TRPM3: variants seen among roughly 807,000 people sequenced by gnomAD.
The protein encoded by TRPM3 is long transient receptor potential channel 3.
In TRPM3, 77 loss-of-function variants were observed where a neutral mutation model predicts 181.2. That is an observed-to-expected ratio of 0.42 (90% CI 0.35 to 0.51). The LOEUF is 0.51. Among genes scored for constraint, TRPM3 ranks in the 20% least tolerant of loss-of-function variants. TRPM3 has a pLI of 0.01. For synonymous variants in TRPM3, 745 were observed against 796.4 expected, an observed-to-expected ratio of 0.94 and a Z score of 1.09; for missense variants, 1,759 against 2,196.7, an observed-to-expected ratio of 0.80 and a Z score of 3.98.
intron 6 of TRPM3, among the ~76,000 whole-genome samples, chr9:70,806,361 G>C (rs2090675110): frequency 6.6e-6 from 1 of 152,110 alleles, no homozygotes; most frequent in African/African-American, 2.4e-5. Context: ...TGCCTCAGGG[G>C]CTCATGATCC....
At chr9:70,978,657 A>G (rs2097331608) in intron 1 of TRPM3, among the ~76,000 whole-genome samples, 1 of 152,234 alleles carries the variant, frequency 6.6e-6, no homozygotes, top group African/African-American at 2.4e-5. Context: ...GTCATGGGGT[A>G]AGACATTTCG....
At chr9:70,667,104 G>A (rs2061951238) in intron 9 of TRPM3, among the ~76,000 whole-genome samples, 1 of 151,690 alleles carries the variant, frequency 6.6e-6, no homozygotes, top group Non-Finnish European at 1.5e-5. Flanking sequence ...GCATCTCGCT[G>A]TTTATCTCTC....
At chr9:70,935,377 G>A (rs1309347021) in intron 1 of TRPM3, among the ~76,000 whole-genome samples, 1 of 152,164 alleles carries the variant, frequency 6.6e-6, no homozygotes, top group Non-Finnish European at 1.5e-5. Context: ...GAGTATCATG[G>A]CATTTGATGA....
chr9:70,681,234 A>G (rs2065352628), intron 9 of TRPM3, among the ~76,000 whole-genome samples: 2 of 152,148 alleles, frequency 1.3e-5, no homozygotes, highest in Admixed American at 1.3e-4. Context: ...CATCTTACAT[A>G]TTATGTCAGC....
At chr9:70,632,317 C>T (rs1231838312) in intron 12 of TRPM3, among the ~76,000 whole-genome samples, 2 of 152,114 alleles carry the variant, frequency 1.3e-5, no homozygotes, top group African/African-American at 4.8e-5. Flanking sequence ...TAACTTCTCC[C>T]TTATTCACTT....
chr9:70,582,375 T>C (rs2056091638), intron 22 of TRPM3, among the ~76,000 whole-genome samples: 1 of 152,240 alleles, frequency 6.6e-6, no homozygotes, highest in South Asian at 2.1e-4. Flanking sequence ...ATTGATTGTT[T>C]AAAGCAGATA....
At chr9:71,101,850 C>A (rs1322786865) in intron 1 of TRPM3, among the ~76,000 whole-genome samples, 3 of 152,146 alleles carry the variant, frequency 2.0e-5, no homozygotes, top group African/African-American at 7.2e-5. Context: ...GAGAAAGCTA[C>A]ATTTAAGCAT....
At chr9:70,740,294 C>T (rs551068712) in intron 8 of TRPM3, among the ~76,000 whole-genome samples, 11 of 152,232 alleles carry the variant, frequency 7.2e-5, no homozygotes, top group African/African-American at 2.4e-4. Flanking sequence ...AACAAAACTA[C>T]AAAACACCGC....
intron 1 of TRPM3, among the ~76,000 whole-genome samples, chr9:71,152,001 G>A (rs914447367): frequency 6.6e-6 from 1 of 152,064 alleles, no homozygotes; most frequent in African/African-American, 2.4e-5. Context: ...TTCAGAAAAG[G>A]TGTAAGAACC....
intron 1 of TRPM3, among the ~76,000 whole-genome samples, chr9:71,130,975 TGTATTTAC>T (rs1474487027): frequency 6.6e-6 from 1 of 152,204 alleles, no homozygotes. Flanking sequence ...GAGAGCATGA[TGTATTTAC>T]TTTTATGAAA....
intron 1 of TRPM3, among the ~76,000 whole-genome samples, chr9:70,963,030 G>C (rs891054660): frequency 1.3e-5 from 2 of 152,184 alleles, no homozygotes; most frequent in Non-Finnish European, 2.9e-5. Flanking sequence ...AGAAAGAGCT[G>C]CTCCATAGGA....
At chr9:71,186,146 A>C (rs902724018) in intron 1 of TRPM3, among the ~76,000 whole-genome samples, 2 of 151,972 alleles carry the variant, frequency 1.3e-5, no homozygotes, top group Non-Finnish European at 2.9e-5. Context: ...CCATCTTTTT[A>C]TAAGGATGCC....
chr9:70,858,720 G>A (rs1237525814), intron 3 of TRPM3, among the ~76,000 whole-genome samples: 1 of 151,950 alleles, frequency 6.6e-6, no homozygotes, highest in Non-Finnish European at 1.5e-5. Flanking sequence ...CTCAGAGCCA[G>A]CTTTGTGGGC....
intron 1 of TRPM3, among the ~76,000 whole-genome samples, chr9:71,132,238 T>G (rs2134464637): frequency 6.6e-6 from 1 of 152,348 alleles, no homozygotes; most frequent in South Asian, 2.1e-4. Context: ...TATAGGTGAC[T>G]TCCCCAAGAT....
intron 1 of TRPM3, among the ~76,000 whole-genome samples, chr9:71,016,178 G>A (rs1411157823): frequency 1.3e-5 from 2 of 151,222 alleles, no homozygotes; most frequent in East Asian, 3.9e-4. Context: ...ATTACCAAAT[G>A]TGAATGTACT....
intron 8 of TRPM3, among the ~76,000 whole-genome samples, chr9:70,743,161 T>C (rs2074479358): frequency 6.6e-6 from 1 of 152,140 alleles, no homozygotes; most frequent in Admixed American, 6.6e-5. Context: ...AGAGTACAAG[T>C]AGTACTTCGA....
At chr9:71,389,592 C>G (rs747162170) in intron 1 of TRPM3, among the ~76,000 whole-genome samples, 2 of 152,126 alleles carry the variant, frequency 1.3e-5, no homozygotes, top group African/African-American at 4.8e-5. Flanking sequence ...AAATGCCCAT[C>G]AATCAACAAG....
chr9:71,027,445 G>T (rs908979944), intron 1 of TRPM3, among the ~76,000 whole-genome samples: 8 of 152,168 alleles, frequency 5.3e-5, no homozygotes, highest in African/African-American at 1.2e-4. Context: ...CCCCAGCAAG[G>T]GTTCTTAACT....
chr9:71,150,201 C>CAT (rs1694772916), intron 1 of TRPM3, among the ~76,000 whole-genome samples: 1 of 151,742 alleles, frequency 6.6e-6, no homozygotes, highest in Admixed American at 6.6e-5. Flanking sequence ...ATGGGAGGTC[C>CAT]ATATACACAC....
Sources: gnomAD v4.1 joint callset for allele counts (sites outside exome capture counted in the v4.1 genomes callset) on GRCh38, gnomAD v4.1.1 for gene constraint, MANE v1.5 for transcripts, NCBI Gene and HGNC (gene_info 2026-07-23, HGNC 2026-07-21) for gene names.